The following RNF145 variants were observed in gnomAD, a reference collection of about 807,000 sequenced individuals.
RNF145 encodes ring finger protein 145.
Under a neutral mutation model 57.3 loss-of-function variants are expected in RNF145, and 12 were observed. The observed-to-expected ratio is 0.21, with a 90% CI of 0.13 to 0.34. The LOEUF is 0.34. RNF145 is among the 10% of genes least tolerant of loss of function. RNF145 has a pLI of 1.00. For synonymous variants in RNF145, 262 were observed against 288.3 expected (o/e 0.91, Z 0.92); for missense variants, 429 against 799.0 (o/e 0.54, Z 5.58).
At chr5:159,205,394 A>G (rs938757786) in intron 1 of RNF145, among the ~76,000 whole-genome samples, 14 of 152,200 alleles carry the variant, frequency 9.2e-5, no homozygotes, top group African/African-American at 3.1e-4. Flanking sequence ...ACCACTGAGG[A>G]ATCTAAATTT....
At chr5:159,175,311 CCTGT>C (rs889239626) in intron 5 of RNF145, among the ~76,000 whole-genome samples, 12 of 152,166 alleles carry the variant, frequency 7.9e-5, no homozygotes, top group African/African-American at 2.6e-4. Context: ...ACTAAAAAAA[CCTGT>C]CTGTTTCCAT....
chr5:159,208,073 T>C, intron 1 of RNF145: 1 of 1,484,400 alleles, frequency 6.7e-7, no homozygotes, highest in Non-Finnish European at 8.9e-7. Flanking sequence ...GGCCATCCAC[T>C]AATCTTTGAT....
At chr5:159,192,771 A>G (rs1468473127) in intron 3 of RNF145, among the ~76,000 whole-genome samples, 1 of 152,218 alleles carries the variant, frequency 6.6e-6, no homozygotes, top group Non-Finnish European at 1.5e-5. Context: ...ACCCAAGGTT[A>G]TGGAGCAGTA....
intron 3 of RNF145, among the ~76,000 whole-genome samples, chr5:159,183,450 G>T (rs902989387): frequency 2.6e-5 from 4 of 152,072 alleles, no homozygotes; most frequent in Non-Finnish European, 5.9e-5. Context: ...AGTCCAAAAT[G>T]TCAACTGTGC....
intron 8 of RNF145, 151 bp from the exon 9 acceptor site, chr5:159,163,230 G>T: frequency 1.5e-6 from 1 of 685,274 alleles, no homozygotes; most frequent in Non-Finnish European, 2.4e-6. Flanking sequence ...CTAGAGTTCA[G>T]ACCAAGTCAC....
At chr5:159,207,623 A>G (rs1364591773) in intron 1 of RNF145, 2 of 1,600,790 alleles carry the variant, frequency 1.2e-6, no homozygotes, top group Non-Finnish European at 1.7e-6. Context: ...GCTAGAGCCT[A>G]AAATTCTAAG....
intron 10 of RNF145, among the ~76,000 whole-genome samples, chr5:159,160,890 G>GA (rs1317147737): frequency 6.6e-6 from 1 of 152,250 alleles, no homozygotes; most frequent in African/African-American, 2.4e-5. Context: ...ATACTAGAGG[G>GA]AAAAGAGTCA....
chr5:159,197,217 C>T (rs1197678556), intron 2 of RNF145, among the ~76,000 whole-genome samples: 2 of 152,112 alleles, frequency 1.3e-5, no homozygotes, highest in African/African-American at 4.8e-5. Flanking sequence ...GAAAAGGAAA[C>T]ATTCTAGGAA....
chr5:159,181,522 T>C (rs1277049138), intron 4 of RNF145, among the ~76,000 whole-genome samples: 1 of 152,142 alleles, frequency 6.6e-6, no homozygotes, highest in Non-Finnish European at 1.5e-5. Context: ...AGCCAACACT[T>C]CTATTTTTAA....
intron 6 of RNF145, among the ~76,000 whole-genome samples, chr5:159,172,335 G>A (rs1784586371): frequency 6.6e-6 from 1 of 152,052 alleles, no homozygotes; most frequent in Non-Finnish European, 1.5e-5. Flanking sequence ...ATAAAAATTA[G>A]CCAGGTGTGG....
At chr5:159,164,161 G>T (rs1784320856) in intron 8 of RNF145, among the ~76,000 whole-genome samples, 1 of 152,078 alleles carries the variant, frequency 6.6e-6, no homozygotes, top group African/African-American at 2.4e-5. Flanking sequence ...ATTCAGAGAA[G>T]AAAGTTAATT....
intron 1 of RNF145, among the ~76,000 whole-genome samples, chr5:159,206,568 A>C (rs560764143): frequency 6.6e-6 from 1 of 152,258 alleles, no homozygotes; most frequent in South Asian, 2.1e-4. Context: ...TCATACAAAC[A>C]CGAAGTAAAA....
At chr5:159,172,781 T>A (rs543484292) in intron 6 of RNF145, among the ~76,000 whole-genome samples, 1 of 152,340 alleles carries the variant, frequency 6.6e-6, no homozygotes, top group South Asian at 2.1e-4. Flanking sequence ...AGTAAACTTG[T>A]CTTAAATTTC....
At chr5:159,178,543 C>T (rs1784785734) in intron 4 of RNF145, among the ~76,000 whole-genome samples, 2 of 151,964 alleles carry the variant, frequency 1.3e-5, no homozygotes, top group Admixed American at 1.3e-4. Context: ...TAATCATATT[C>T]TCTCACTTCT....
At chr5:159,185,841 T>C (rs751264604) in intron 3 of RNF145, among the ~76,000 whole-genome samples, 5 of 152,190 alleles carry the variant, frequency 3.3e-5, no homozygotes, top group Non-Finnish European at 7.3e-5. Context: ...CCCAAGGCAC[T>C]AATAAACTGA....
chr5:159,207,685 C>G (rs1313703053), intron 1 of RNF145: 1 of 1,610,954 alleles, frequency 6.2e-7, no homozygotes, highest in African/African-American at 1.3e-5. Flanking sequence ...CTTACATAAG[C>G]AATGGCACAT....
chr5:159,207,561 G>C, intron 1 of RNF145: 2 of 1,591,384 alleles, frequency 1.3e-6, no homozygotes, highest in African/African-American at 1.4e-5. Context: ...AAATTTTCGG[G>C]CTGTCCATCG....
At chr5:159,191,143 G>A (rs1286761494) in intron 3 of RNF145, among the ~76,000 whole-genome samples, 17 of 151,906 alleles carry the variant, frequency 1.1e-4, no homozygotes, top group Non-Finnish European at 7.4e-5. Flanking sequence ...TTTTTGTTGG[G>A]CTGCATTCAA....
intron 6 of RNF145, among the ~76,000 whole-genome samples, chr5:159,171,440 CAG>C (rs747758989): frequency 3.3e-5 from 5 of 152,004 alleles, no homozygotes; most frequent in Non-Finnish European, 7.4e-5. Flanking sequence ...CGTATTCAAA[CAG>C]AGCACTTTCC....
Sources: gnomAD v4.1 joint callset for allele counts (sites outside exome capture counted in the v4.1 genomes callset) on GRCh38, gnomAD v4.1.1 for gene constraint, MANE v1.5 for transcripts, NCBI Gene and HGNC (gene_info 2026-07-23, HGNC 2026-07-21) for gene names.